Variants in ARID5B observed in about 807,000 individuals in gnomAD.
ARID5B encodes the protein AT-rich interactive domain-containing protein 5B.
A neutral mutation model predicts 97.2 loss-of-function variants in ARID5B; 13 were observed. The observed-to-expected ratio is 0.13, with a 90% confidence interval of 0.09 to 0.21. ARID5B has a LOEUF of 0.21. ARID5B is among the 10% of genes least tolerant of loss of function. The pLI is 1.00. For missense variants in ARID5B, 1,210 were observed against 1,465.3 expected, an observed-to-expected ratio of 0.83 and a Z score of 2.84; for synonymous variants, 556 against 570.3, an observed-to-expected ratio of 0.97 and a Z score of 0.36.
intron 5 of ARID5B, among the ~76,000 whole-genome samples, chr10:62,052,892 C>T (rs1839809530): frequency 6.6e-6 from 1 of 152,208 alleles, no homozygotes. Context: ...CTCCTAGGGA[C>T]TGGTCTAATG....
chr10:61,914,280 G>A (rs369290201), intron 2 of ARID5B, among the ~76,000 whole-genome samples: 1 of 152,354 alleles, frequency 6.6e-6, no homozygotes, highest in East Asian at 1.9e-4. Flanking sequence ...CTCATGGATG[G>A]TTTCATCATT....
At chr10:61,966,260 C>G (rs1426728242) in intron 3 of ARID5B, among the ~76,000 whole-genome samples, 1 of 152,074 alleles carries the variant, frequency 6.6e-6, no homozygotes, top group Non-Finnish European at 1.5e-5. Flanking sequence ...AAGATATATA[C>G]TGATTTCAGA....
chr10:62,011,908 C>T lies in ARID5B; in HGVS notation c.733+11587C>T, dbSNP rs571330725. Among the ~76,000 whole-genome samples, 3 of 152,212 alleles carry T rather than the reference C, an allele frequency of 2.0e-5. No homozygotes were observed. The East Asian group carries it at 5.8e-4, about 29-fold the overall frequency. On this transcript the variant is annotated intron_variant, in intron 4 of 9. Transcript: ENST00000279873. ...AGTGCTGAAGGGCACGGCATCACAG[C>T]TGTGATTATATACAGCAAACCCTAA...
At chr10:61,972,120 G>T (rs1414948856) in intron 3 of ARID5B, among the ~76,000 whole-genome samples, 1 of 151,736 alleles carries the variant, frequency 6.6e-6, no homozygotes, top group African/African-American at 2.4e-5. Context: ...CCACCATACT[G>T]AGATAACTAG....
intron 3 of ARID5B, among the ~76,000 whole-genome samples, chr10:61,948,283 T>A (rs972239999): frequency 5.3e-5 from 8 of 152,222 alleles, no homozygotes; most frequent in Non-Finnish European, 1.0e-4. Flanking sequence ...TTTTTCCTTC[T>A]AACAGTCGTC....
At chr10:62,013,106 T>C (rs1161012237) in intron 4 of ARID5B, among the ~76,000 whole-genome samples, 1 of 152,166 alleles carries the variant, frequency 6.6e-6, no homozygotes, top group East Asian at 1.9e-4. Flanking sequence ...GAACCAGTGC[T>C]CAGAATGAAG....
intron 4 of ARID5B, among the ~76,000 whole-genome samples, chr10:62,044,224 C>T (rs537489265): frequency 6.6e-6 from 1 of 152,128 alleles, no homozygotes; most frequent in Non-Finnish European, 1.5e-5. Flanking sequence ...GTCTTTATAT[C>T]GCATGATATC....
chr10:62,015,302 T>C (rs1447315892), intron 4 of ARID5B, among the ~76,000 whole-genome samples: 1 of 152,218 alleles, frequency 6.6e-6, no homozygotes, highest in African/African-American at 2.4e-5. Flanking sequence ...TGTTACCTTC[T>C]CTGGTTTTAC....
chr10:62,079,296 A>G (rs1230304994), intron 8 of ARID5B, among the ~76,000 whole-genome samples: 1 of 152,094 alleles, frequency 6.6e-6, no homozygotes, highest in East Asian at 1.9e-4. Flanking sequence ...TTTGACACTA[A>G]ATAGCTGTGT....
At position 62,086,267 on chromosome 10, in the gene ARID5B, G is replaced by A. The variant is rs538894384; in HGVS notation, c.1398+367G>A. ...TGGCTTCTTGGCCGCTCCACAGCCC[G>A]TCTATCTGAGGTGCTGGTGCGACTT... is the stretch of plus-strand genomic sequence containing the variant. On this transcript the variant is annotated intron_variant, in intron 9 of 9. Transcript: ENST00000279873. 3.9e-5 allele frequency among the ~76,000 whole-genome samples: 6 copies of A among 152,296 alleles called. No homozygotes were observed. In the East Asian group the frequency reaches 5.8e-4, roughly 15 times the overall value.
chr10:62,063,375 C>A (rs922687086), intron 7 of ARID5B, among the ~76,000 whole-genome samples: 26 of 152,140 alleles, frequency 1.7e-4, no homozygotes, highest in African/African-American at 6.3e-4. Flanking sequence ...TCTCTGGAAT[C>A]CCTTCTGGTT....
At chr10:61,954,226 G>A (rs551017650) in intron 3 of ARID5B, among the ~76,000 whole-genome samples, 35 of 151,806 alleles carry the variant, frequency 2.3e-4, no homozygotes, top group African/African-American at 7.5e-4. Context: ...GCATGGTGGC[G>A]CGTGCCTGTA....
intron 5 of ARID5B, among the ~76,000 whole-genome samples, chr10:62,056,318 C>A (rs10995020): frequency 1.3e-5 from 2 of 151,872 alleles, no homozygotes; most frequent in East Asian, 3.9e-4. Flanking sequence ...TCTTTTGTGG[C>A]AAGTTAACAT....
chr10:61,978,808 G>A (rs1008855357), intron 3 of ARID5B, among the ~76,000 whole-genome samples: 12 of 152,262 alleles, frequency 7.9e-5, no homozygotes, highest in African/African-American at 2.4e-4. Flanking sequence ...ATCTGCAAAC[G>A]GGGACAATTT....
chr10:61,937,161 G>A (rs1844319677), intron 2 of ARID5B, among the ~76,000 whole-genome samples: 1 of 152,206 alleles, frequency 6.6e-6, no homozygotes, highest in African/African-American at 2.4e-5. Flanking sequence ...AAACTGGACT[G>A]AATACAATGC....
At chr10:62,089,182 A>G (rs189238885) in intron 9 of ARID5B, among the ~76,000 whole-genome samples, 49 of 152,324 alleles carry the variant, frequency 3.2e-4, no homozygotes, top group East Asian at 2.5e-3. Flanking sequence ...TATAAGCTCA[A>G]GAGACCAATG....
intron 3 of ARID5B, among the ~76,000 whole-genome samples, chr10:61,977,254 T>G (rs1358328112): frequency 1.3e-5 from 2 of 152,252 alleles, no homozygotes; most frequent in Non-Finnish European, 2.9e-5. Context: ...ATCCAGTCTA[T>G]CATTGATGGA....
At chr10:62,048,676 A>AC (rs1303971358) in intron 4 of ARID5B, among the ~76,000 whole-genome samples, 3 of 152,176 alleles carry the variant, frequency 2.0e-5, no homozygotes, top group Admixed American at 2.0e-4. Flanking sequence ...GAGAAAATAA[A>AC]CCCAGTTTGG....
At chr10:61,925,839 G>A (rs1000669952) in intron 2 of ARID5B, among the ~76,000 whole-genome samples, 4 of 152,204 alleles carry the variant, frequency 2.6e-5, no homozygotes, top group African/African-American at 9.6e-5. Context: ...ATACGCAAAT[G>A]CCGTTGGCTA....
Sources: gnomAD v4.1 joint callset for allele counts (sites outside exome capture counted in the v4.1 genomes callset) on GRCh38, gnomAD v4.1.1 for gene constraint, MANE v1.5 for transcripts, NCBI Gene and HGNC (gene_info 2026-07-23, HGNC 2026-07-21) for gene names.